The following IRAG1 variants were observed in gnomAD, a reference collection of about 807,000 sequenced individuals.
IRAG1 encodes inositol 1,4,5-triphosphate receptor associated 1, also known as IP3R-associated cGMP kinase substrate.
In IRAG1, 62 loss-of-function variants were observed where a neutral mutation model predicts 106.2. The ratio of observed to expected loss-of-function variants is 0.58; its 90% confidence interval spans 0.48 to 0.72. IRAG1 has a LOEUF of 0.72. Ranked by LOEUF, IRAG1 falls within the 30% of genes least tolerant of loss-of-function variation. IRAG1 has a pLI of 0.00. For missense variants in IRAG1, 1,064 were observed against 1,140.7 expected, an observed-to-expected ratio of 0.93 and a Z score of 0.97; for synonymous variants, 462 against 443.9, an observed-to-expected ratio of 1.04 and a Z score of -0.51.
In IRAG1 at chr11:10,603,268, G is replaced by A. The variant is rs756363346; in HGVS notation, c.1744-17C>T. On this transcript the variant is annotated splice_polypyrimidine_tract_variant and intron_variant, in intron 13 of 20. Coordinates refer to ENST00000423302, the MANE Select transcript of IRAG1 (RefSeq NM_130385.4). ...AGCTGAGGACTGAACAGGAGTAGGA[G>A]CATCACCTGGGGTCCTCAAATAATG... The A allele has an allele frequency of 5.6e-6, 9 of 1,612,816 alleles. No individual in the cohort carries two copies. Among genetic ancestry groups the A allele is most frequent in the South Asian group, 3.3e-5 (3 of 91,012 alleles).
intron 12 of IRAG1, among the ~76,000 whole-genome samples, chr11:10,605,572 G>A (rs903767394): frequency 2.6e-5 from 4 of 152,216 alleles, no homozygotes; most frequent in Non-Finnish European, 4.4e-5. Context: ...AGACCAGAAC[G>A]GTCATTAACT....
At chr11:10,585,343 T>C (rs541544602) in intron 18 of IRAG1, among the ~76,000 whole-genome samples, 2 of 152,088 alleles carry the variant, frequency 1.3e-5, no homozygotes, top group African/African-American at 2.4e-5. Flanking sequence ...TTTCCAATGA[T>C]AAGAAGAGCT....
chr11:10,670,330 T>C (rs1860120631), intron 1 of IRAG1, among the ~76,000 whole-genome samples: 2 of 152,160 alleles, frequency 1.3e-5, no homozygotes, highest in Admixed American at 6.5e-5. Context: ...CATGTCTGAG[T>C]CTAATGGCTG....
In IRAG1 at chr11:10,693,549, A is replaced by G. The variant is rs1045181762; in HGVS notation, c.54T>C (p.Asn18=). The change falls in exon 1 of 21, where the codon AAT becomes AAC. Residue 18 remains asparagine (N), a synonymous_variant. Transcript: ENST00000423302. ...EERLARGGKE[N]NSVLACGAQA... ...GGGGAGGCTTACCTAAAACTGAGTT[A>G]TTCTCCTTTCCTCCTCTGGCCAGCC... 3.3e-6 allele frequency: 5 copies of G among 1,535,576 alleles called. No individual in the cohort carries two copies. Among genetic ancestry groups the G allele is most frequent in the Non-Finnish European group, 4.4e-6 (5 of 1,146,852 alleles).
chr11:10,604,355 T>G (rs1216763325), intron 13 of IRAG1, 50 bp downstream of exon 13: 3 of 1,610,918 alleles, frequency 1.9e-6, no homozygotes, highest in Non-Finnish European at 2.5e-6. Flanking sequence ...GTATGGCCCT[T>G]GGGGACAGTC....
At chr11:10,620,381 A>G (rs202112583) in intron 10 of IRAG1, among the ~76,000 whole-genome samples, 1 of 151,982 alleles carries the variant, frequency 6.6e-6, no homozygotes, top group South Asian at 2.1e-4. Context: ...CCCCCCCAAA[A>G]GAAAGAAAGC....
At chr11:10,612,962 A>G (rs1007237839) in intron 10 of IRAG1, among the ~76,000 whole-genome samples, 8 of 152,188 alleles carry the variant, frequency 5.3e-5, no homozygotes, top group Non-Finnish European at 7.3e-5. Flanking sequence ...ATGAAGGAAT[A>G]AAGCAGATAT....
At chr11:10,643,125 G>A (rs1252357290) in intron 2 of IRAG1, among the ~76,000 whole-genome samples, 1 of 136,382 alleles carries the variant, frequency 7.3e-6, no homozygotes, top group Non-Finnish European at 1.5e-5. Flanking sequence ...CAGTGAGCCT[G>A]ATCGTGCCAC....
chr11:10,680,364 A>AAG (rs1564942443), intron 1 of IRAG1, among the ~76,000 whole-genome samples: 13 of 48,374 alleles, frequency 2.7e-4, no homozygotes, highest in African/African-American at 1.4e-3. Flanking sequence ...AAAGAAAGAA[A>AAG]GAAAGAAGGA....
Position 10,623,769 on chromosome 11 carries a change from C to G in IRAG1, c.1447+9G>C, listed in dbSNP as rs754271287. ...TCGCTGAGACAGCATCTGCCCCAACCCCACCTACCTTTTTCCTGCTCAGCT... is the reference window on the plus strand; with the variant it reads ...TCGCTGAGACAGCATCTGCCCCAACGCCACCTACCTTTTTCCTGCTCAGCT... On this transcript the variant is annotated intron_variant, in intron 10 of 20. Coordinates refer to ENST00000423302, the MANE Select transcript of IRAG1 (RefSeq NM_130385.4). 1.2e-6 allele frequency: 2 copies of G among 1,613,902 alleles called. No homozygotes were observed. Among genetic ancestry groups the G allele is most frequent in the Admixed American group, 3.3e-5 (2 of 60,028 alleles).
At position 10,586,492 on chromosome 11, in the gene IRAG1, A is replaced by G. The variant is rs1285741239; in HGVS notation, c.2241-4506T>C. ...GAGTGCAGTGGCATGATCTGGGCAC[A>G]CTGCAACCTCCACCTCCCAGGTTCA... On this transcript the variant is annotated intron_variant, in intron 18 of 20. Transcript: ENST00000423302. 2.7e-5 allele frequency among the ~76,000 whole-genome samples: 4 copies of G among 148,710 alleles called. 1 individual carries two copies. Among genetic ancestry groups the G allele is most frequent in the African/African-American group, 1.0e-4 (4 of 40,024 alleles).
intron 10 of IRAG1, among the ~76,000 whole-genome samples, chr11:10,618,427 T>G (rs1166483306): frequency 6.6e-6 from 1 of 152,184 alleles, no homozygotes; most frequent in Non-Finnish European, 1.5e-5. Flanking sequence ...GTTTATTGAG[T>G]GTTTACTATG....
At chr11:10,612,647 C>CA (rs1323469729) in intron 10 of IRAG1, among the ~76,000 whole-genome samples, 1 of 150,752 alleles carries the variant, frequency 6.6e-6, no homozygotes, top group Non-Finnish European at 1.5e-5. Flanking sequence ...ATACTATAGA[C>CA]AAAAGAGGAA....
At chr11:10,652,270 A>T in intron 1 of IRAG1, 88 bp from the exon 2 acceptor site, 1 of 1,569,098 alleles carries the variant, frequency 6.4e-7, no homozygotes, top group Non-Finnish European at 8.7e-7. Flanking sequence ...AGCCACAGTG[A>T]GAGCCGGCTT....
intron 15 of IRAG1, among the ~76,000 whole-genome samples, chr11:10,598,731 T>G (rs1021729223): frequency 7.9e-5 from 12 of 152,180 alleles, no homozygotes; most frequent in African/African-American, 2.7e-4. Context: ...CCTTAAAAAA[T>G]TTATTTCCCC....
At chr11:10,652,871 C>T (rs976878552) in intron 1 of IRAG1, among the ~76,000 whole-genome samples, 3 of 152,152 alleles carry the variant, frequency 2.0e-5, no homozygotes, top group East Asian at 3.9e-4. Flanking sequence ...ATGGGGACTA[C>T]ACCAGCCCTA....
At chr11:10,602,626 AG>A (rs1564902024) in intron 14 of IRAG1, among the ~76,000 whole-genome samples, 1 of 152,174 alleles carries the variant, frequency 6.6e-6, no homozygotes, top group African/African-American at 2.4e-5. Flanking sequence ...TTCATCTGGG[AG>A]ACAGGATATT....
At chr11:10,675,974 G>A (rs571568727) in intron 1 of IRAG1, among the ~76,000 whole-genome samples, 11 of 152,342 alleles carry the variant, frequency 7.2e-5, no homozygotes, top group African/African-American at 2.6e-4. Context: ...CTGCCTCATG[G>A]AGGCTGGCCT....
intron 1 of IRAG1, among the ~76,000 whole-genome samples, chr11:10,654,911 T>A (rs1442615898): frequency 2.0e-5 from 3 of 152,338 alleles, no homozygotes; most frequent in Non-Finnish European, 2.9e-5. Flanking sequence ...GGGCATGCTG[T>A]CTGTGTCTTC....
Sources: allele counts gnomAD v4.1 joint callset (sites outside exome capture counted in the v4.1 genomes callset), GRCh38; gene constraint gnomAD v4.1.1; transcripts MANE v1.5; gene names NCBI Gene and HGNC (gene_info 2026-07-23, HGNC 2026-07-21).